SVEP1: variants seen among roughly 807,000 people sequenced by gnomAD.
SVEP1 encodes sushi, von Willebrand factor type A, EGF and pentraxin domain-containing protein 1.
In SVEP1, 164 loss-of-function variants were observed where a neutral mutation model predicts 367.3. That is an observed-to-expected ratio of 0.45 (90% confidence interval 0.39 to 0.51). The LOEUF is 0.51. Ranked by LOEUF, SVEP1 falls within the 20% of genes least tolerant of loss-of-function variation. The pLI, the probability that SVEP1 is intolerant of heterozygous loss-of-function variation, is 0.00. For missense variants in SVEP1, 4,117 were observed against 4,425.3 expected, an observed-to-expected ratio of 0.93 and a Z score of 1.98; for synonymous variants, 1,666 against 1,611.6, an observed-to-expected ratio of 1.03 and a Z score of -0.81.
chr9:110,376,627 C>A (rs1827354561), intron 45 of SVEP1, among the ~76,000 whole-genome samples: 1 of 152,318 alleles, frequency 6.6e-6, no homozygotes, highest in Admixed American at 6.5e-5. Context: ...TAATGGTTTA[C>A]ATACACTGCT....
intron 1 of SVEP1, among the ~76,000 whole-genome samples, chr9:110,557,656 A>T (rs919898349): frequency 1.3e-5 from 2 of 152,224 alleles, no homozygotes; most frequent in African/African-American, 2.4e-5. Context: ...GAATGAAGAC[A>T]TATATTCAGT....
At chr9:110,460,329 A>AAAT (rs61546752) in intron 18 of SVEP1, among the ~76,000 whole-genome samples, 130,772 of 152,030 alleles carry the variant, frequency 0.86, 56,405 homozygotes, top group East Asian at 0.99. Flanking sequence ...CTAAAGATAA[A>AAAT]AATAAATACT....
At chr9:110,397,945 C>A (rs181070018) in intron 40 of SVEP1, among the ~76,000 whole-genome samples, 2 of 150,880 alleles carry the variant, frequency 1.3e-5, no homozygotes, top group East Asian at 3.9e-4. Context: ...TCAATGCCAT[C>A]CCCATCGAGC....
intron 40 of SVEP1, among the ~76,000 whole-genome samples, chr9:110,391,271 C>CT (rs35309188): frequency 2.3e-3 from 287 of 125,232 alleles, no homozygotes; most frequent in East Asian, 5.8e-3. Context: ...TACTTTTTGT[C>CT]TTTTTTTTTT....
At chr9:110,427,129 C>T (rs185254700) in intron 36 of SVEP1, among the ~76,000 whole-genome samples, 1 of 151,856 alleles carries the variant, frequency 6.6e-6, no homozygotes, top group East Asian at 1.9e-4. Flanking sequence ...GAAACCCTGT[C>T]TCTACTAAAA....
At chr9:110,572,043 A>G (rs1830569264) in intron 1 of SVEP1, among the ~76,000 whole-genome samples, 1 of 152,154 alleles carries the variant, frequency 6.6e-6, no homozygotes, top group Non-Finnish European at 1.5e-5. Flanking sequence ...GTTTAGCAAC[A>G]CTGGACATGG....
chr9:110,537,831 T>C (rs1262422604), intron 3 of SVEP1, among the ~76,000 whole-genome samples: 1 of 151,926 alleles, frequency 6.6e-6, no homozygotes, highest in Non-Finnish European at 1.5e-5. Context: ...ACGAGGGATT[T>C]GTAAATTTTC....
At chr9:110,575,211 G>A (rs1168431365) in intron 1 of SVEP1, among the ~76,000 whole-genome samples, 1 of 152,218 alleles carries the variant, frequency 6.6e-6, no homozygotes, top group African/African-American at 2.4e-5. Context: ...GAACCTTGTA[G>A]GCAATTCCTC....
At chr9:110,395,153 C>G (rs566442037) in intron 40 of SVEP1, among the ~76,000 whole-genome samples, 1 of 152,226 alleles carries the variant, frequency 6.6e-6, no homozygotes, top group African/African-American at 2.4e-5. Flanking sequence ...CAGCTGATCT[C>G]TCAGCAGAAA....
In SVEP1 at chr9:110,466,008, G is replaced by A. The variant is rs1828931381; in HGVS notation, c.3179C>T (p.Thr1060Ile). 1.2e-6 allele frequency: 2 copies of A among 1,613,332 alleles called. No homozygotes were observed. Among genetic ancestry groups the A allele is most frequent in the Non-Finnish European group, 1.7e-6 (2 of 1,179,536 alleles). ...SDCKAQCKQG[T>I]YSYSGLETCE... The stretch of plus-strand genomic sequence containing the variant: ...AGTCTCAAGTCCACTGTATGAGTAG[G>A]TGCCTTGTTTACACTGAGCTGAAAA... The change falls in exon 18 of 48, where the codon ACC becomes ATC. Residue 1060 changes from threonine (T) to isoleucine (I), a missense_variant. Coordinates refer to ENST00000374469, the MANE Select transcript of SVEP1 (RefSeq NM_153366.4).
chr9:110,459,786 T>A (rs538594381), intron 18 of SVEP1, among the ~76,000 whole-genome samples: 1 of 152,150 alleles, frequency 6.6e-6, no homozygotes, highest in South Asian at 2.1e-4. Flanking sequence ...TATTATTAAA[T>A]TTTTTTTCCA....
At position 110,406,172 on chromosome 9, in the gene SVEP1, T is replaced by G; in HGVS notation, c.9428A>C (p.Glu3143Ala). ...ATGEAHTYESEVKLRCLEGYT... is the reference protein window; with the variant it reads ...ATGEAHTYESAVKLRCLEGYT... ...GCCATGATCTTACCTGAGTTTCACT[T>G]CACTTTCATAGGTGTGTGCCTCTCC... The change falls in exon 38 of 48, where the codon GAA (glutamate) becomes GCA (alanine). Residue 3143 changes from glutamate to alanine, a missense_variant. Transcript: ENST00000374469. 2.6e-6 allele frequency: 4 copies of G among 1,565,778 alleles called. No homozygotes were observed. The highest frequency in any genetic ancestry group is 3.5e-6 in the Non-Finnish European group (4 of 1,156,920).
intron 5 of SVEP1, among the ~76,000 whole-genome samples, chr9:110,505,780 C>A (rs1829616461): frequency 6.6e-6 from 1 of 151,802 alleles, no homozygotes; most frequent in Admixed American, 6.6e-5. Context: ...ATTCCAGTAT[C>A]CTGGAGTTAT....
In SVEP1 at chr9:110,533,243, G is replaced by C. The variant is rs75616905; in HGVS notation, c.964+12872C>G. Among the ~76,000 whole-genome samples the C allele has an allele frequency of 3.3e-3, 507 of 152,260 alleles. 10 individuals are homozygous for C. The East Asian group carries it at 0.057, about 17-fold the overall frequency. On this transcript the variant is annotated intron_variant, in intron 3 of 47. Transcript: ENST00000374469. The stretch of plus-strand genomic sequence containing the variant: ...ACTCCTGCTGTAGAGAACTACCACT[G>C]ATGGAGCACAGTAATTTATGCCAAT...
At chr9:110,483,920 C>G (rs567165318) in intron 9 of SVEP1, among the ~76,000 whole-genome samples, 2 of 152,284 alleles carry the variant, frequency 1.3e-5, no homozygotes, top group South Asian at 4.1e-4. Flanking sequence ...AAAATGCCAC[C>G]TTTCTAAAAT....
chr9:110,390,341 T>TTATATAAGTATA, intron 40 of SVEP1, among the ~76,000 whole-genome samples: 49 of 30,388 alleles, frequency 1.6e-3, no homozygotes, highest in South Asian at 4.3e-3. Flanking sequence ...ATACACATAC[T>TTATATAAGTATA]TATATACACT....
intron 37 of SVEP1, among the ~76,000 whole-genome samples, chr9:110,409,173 T>G (rs1452411993): frequency 6.6e-6 from 1 of 152,210 alleles, no homozygotes; most frequent in East Asian, 1.9e-4. Context: ...TGACGATTCA[T>G]GCCTACAATC....
intron 40 of SVEP1, among the ~76,000 whole-genome samples, chr9:110,399,595 G>T (rs567665115): frequency 4.0e-4 from 61 of 152,162 alleles, no homozygotes; most frequent in Non-Finnish European, 7.2e-4. Context: ...GTGCAATGGT[G>T]CGATCTTGGC....
Position 110,429,165 on chromosome 9 carries a change from A to T in SVEP1, c.5785T>A (p.Tyr1929Asn). ...TACCTGTATCCTGTATCGCATGAAT[A>T]TGATGCAGTAGAAAGGTAGGTAAGC... ...SGLTYLSTAS[Y>N]SCDTGYSLQG... Residue 1929 changes from tyrosine to asparagine, a missense_variant, in exon 35 of 48, where the codon TAT becomes AAT. Transcript: ENST00000374469. 1.3e-6 allele frequency: 2 copies of T among 1,596,508 alleles called. No individual in the cohort carries two copies. Among genetic ancestry groups the T allele is most frequent in the Non-Finnish European group, 1.7e-6 (2 of 1,170,886 alleles).
Sources: allele counts gnomAD v4.1 joint callset (sites outside exome capture counted in the v4.1 genomes callset), GRCh38; gene constraint gnomAD v4.1.1; transcripts MANE v1.5; gene names NCBI Gene and HGNC (gene_info 2026-07-23, HGNC 2026-07-21).